The following MIDEAS variants were observed in gnomAD, a reference collection of about 807,000 sequenced individuals.
The protein encoded by MIDEAS is mitotic deacetylase associated SANT domain protein.
Under a neutral mutation model 102.7 loss-of-function variants are expected in MIDEAS, and 26 were observed. That is an observed-to-expected ratio of 0.25 (90% CI 0.19 to 0.35). The LOEUF (loss-of-function observed/expected upper bound fraction) is 0.35. Among genes scored for constraint, MIDEAS ranks in the 10% least tolerant of loss-of-function variants. MIDEAS has a pLI of 1.00. For missense variants in MIDEAS, 1,231 were observed against 1,435.6 expected (o/e 0.86, Z 2.30); for synonymous variants, 585 against 591.0 (o/e 0.99, Z 0.15).
At chr14:73,768,668 T>C (rs111999754) in intron 1 of MIDEAS, among the ~76,000 whole-genome samples, 9 of 152,214 alleles carry the variant, frequency 5.9e-5, no homozygotes, top group Middle Eastern at 6.8e-3. Context: ...ATATTTTTAG[T>C]AGAGATGGGG....
intron 4 of MIDEAS, 161 bp from the exon 5 acceptor site, chr14:73,727,685 C>T (rs547501833): frequency 6.8e-5 from 43 of 635,824 alleles, no homozygotes; most frequent in Admixed American, 6.9e-5. Flanking sequence ...CTGTCACCTA[C>T]GAAAACGCAG....
chr14:73,755,650 C>A (rs1055264002), intron 1 of MIDEAS, among the ~76,000 whole-genome samples: 1 of 152,234 alleles, frequency 6.6e-6, no homozygotes, highest in African/African-American at 2.4e-5. Context: ...CCTCAACCCT[C>A]GGCTGCAGGG....
chr14:73,779,593 C>T (rs2053730620), intron 1 of MIDEAS, among the ~76,000 whole-genome samples: 1 of 114,764 alleles, frequency 8.7e-6, no homozygotes, highest in African/African-American at 3.5e-5. Flanking sequence ...TTTTTTGAGA[C>T]GGAGTCTCGC....
At chr14:73,734,854 G>A (rs547630455) in intron 3 of MIDEAS, among the ~76,000 whole-genome samples, 1 of 152,142 alleles carries the variant, frequency 6.6e-6, no homozygotes, top group African/African-American at 2.4e-5. Context: ...GAAGAATGCT[G>A]GGGTAATCAT....
intron 1 of MIDEAS, among the ~76,000 whole-genome samples, chr14:73,753,030 C>T (rs750349435): frequency 3.3e-4 from 50 of 152,222 alleles, no homozygotes; most frequent in Non-Finnish European, 6.5e-4. Context: ...GTTCTCAGTA[C>T]CTCAGAGGCT....
rs1595254122 is a variant in MIDEAS, at chr14:73,725,166, T to C, written c.2574+106A>G. 2 of 824,030 alleles carry C rather than the reference T, an allele frequency of 2.4e-6. No individual in the cohort carries two copies. The highest frequency in any genetic ancestry group is 4.9e-5 in the East Asian group (2 of 40,922). The allele number at this position is 824,030 out of a possible 1,614,324, so 51.0% of individuals were successfully genotyped here. A position where few individuals can be genotyped will look rare whatever the true frequency, so the allele number is the denominator to read the frequency against. On this transcript the variant is annotated intron_variant, in intron 9 of 12. Transcript: ENST00000423556. The surrounding 1 kb of genome is among the most constrained non-coding windows in gnomAD (Gnocchi z 4.1). ...TTCTCTCTGAGGCTACTCAGTAGCA[T>C]TGACCTGACTGCTTTTTAAGAGGGA...
intron 9 of MIDEAS, chr14:73,723,552 CAT>C (rs2053023752): frequency 6.6e-6 from 1 of 152,194 alleles, no homozygotes; most frequent in Admixed American, 6.5e-5. Flanking sequence ...AGGTTTTAGT[CAT>C]GTGACAGGAT....
chr14:73,719,253 T>G, intron 12 of MIDEAS, 52 bp downstream of exon 12: 1 of 463,758 alleles, frequency 2.2e-6, no homozygotes. Flanking sequence ...CCCCGCCCCC[T>G]CCGCGCACCA....
Position 73,718,883 on chromosome 14 carries a change from T to G in MIDEAS, c.3260A>C (p.Gln1087Pro). ...AAAAAAAAHQ[Q>P]ALREESGAGD... ...CGCACCGCTCTCCTCCCGCAGGGCC[T>G]GCTGGTGGGCGGCGGCGGCGGCAGC... is the stretch of plus-strand genomic sequence containing the variant. Residue 1087 changes from glutamine (Q) to proline (P), a missense_variant, in exon 13 of 13, where the codon CAG becomes CCG. Gln to Pro is a moderately conservative substitution (Grantham distance 76, BLOSUM62 -1). Around this residue, in one of 5 missense-constraint regions of MIDEAS, gnomAD observed 71 missense variants for 51.9 expected, o/e 1.37. Transcript: ENST00000423556. 6.6e-7 allele frequency: 1 copy of G among 1,516,980 alleles called. No homozygotes were observed. Among genetic ancestry groups the G allele is most frequent in the Non-Finnish European group, 8.8e-7 (1 of 1,138,824 alleles). The allele number at this position is 1,516,980 out of a possible 1,614,324, so 94.0% of individuals were successfully genotyped here. A position where few individuals can be genotyped will look rare whatever the true frequency, so the allele number is the denominator to read the frequency against.
In MIDEAS at chr14:73,729,682, G is replaced by T. The variant is rs2053111798; in HGVS notation, c.2053C>A (p.Pro685Thr). 2 of 1,613,754 alleles carry T rather than the reference G, an allele frequency of 1.2e-6. No individual in the cohort carries two copies. The highest frequency in any genetic ancestry group is 1.1e-5 in the South Asian group (1 of 91,070). The part of the protein sequence containing the change: ...ISTSTIPAPP[P>T]ITPKSAHRTL... The stretch of plus-strand genomic sequence containing the variant: ...CGATGGGCACTCTTAGGCGTGATGG[G>T]AGGAGGGGCAGGGATGGTGCTGGTT... Residue 685 changes from proline (P) to threonine (T), a missense_variant, in exon 4 of 13, where the codon CCC becomes ACC. Physicochemically the swap from Pro to Thr is conservative, Grantham distance 38. Coordinates refer to ENST00000423556, the MANE Select transcript of MIDEAS (RefSeq NM_001367710.1).
Position 73,739,560 on chromosome 14 carries a change from T to A in MIDEAS, c.449A>T (p.His150Leu). ...SLYSATKGSP[H>L]PGVGVPTYYN... ...GTAAGTCGGGACTCCCACTCCAGGA[T>A]GCGGGCTCCCCTTGGTTGCACTGTA... The change falls in exon 2 of 13, where the codon CAT (histidine) becomes CTT (leucine). Residue 150 changes from histidine (H) to leucine (L), a missense_variant. Around this residue, in one of 5 missense-constraint regions of MIDEAS, gnomAD observed 758 missense variants for 856.0 expected, o/e 0.89. Transcript: ENST00000423556. The A allele has an allele frequency of 6.2e-7, 1 of 1,614,112 alleles. No individual in the cohort carries two copies. Among genetic ancestry groups the A allele is most frequent in the Non-Finnish European group, 8.5e-7 (1 of 1,179,984 alleles).
chr14:73,753,899 C>T (rs539660961), intron 1 of MIDEAS, among the ~76,000 whole-genome samples: 9 of 152,032 alleles, frequency 5.9e-5, no homozygotes, highest in African/African-American at 1.4e-4. Context: ...CAGATAATAC[C>T]GGCAGAGCTT....
rs555520773 is a variant in MIDEAS at position 73,740,161 on chromosome 14, G to C, written c.-153C>G. The stretch of plus-strand genomic sequence containing the variant: ...CGCTGGACAGTGAGGTCGGACACTG[G>C]GAGAAAGAACTGCTGGCTCTTCCTT... On this transcript the variant is annotated 5_prime_UTR_variant, in exon 2 of 13. Transcript: ENST00000423556. 3.2e-6 allele frequency: 3 copies of C among 935,190 alleles called. No homozygotes were observed. The South Asian group carries it at 1.2e-4, about 39-fold the overall frequency. The allele number at this position is 935,190 out of a possible 1,614,324, so 57.9% of individuals were successfully genotyped here. A position where few individuals can be genotyped will look rare whatever the true frequency, so the allele number is the denominator to read the frequency against.
Position 73,780,144 on chromosome 14 carries a change from G to A in MIDEAS, c.-248+6958C>T, listed in dbSNP as rs557287513. ...CAGCCTCGGCCTCCCAAAGTGCTGC[G>A]ATTACAGGCGTGAGCCACCGCGCCC... is the stretch of plus-strand genomic sequence containing the variant. On this transcript the variant is annotated intron_variant, in intron 1 of 11. Transcript: ENST00000394071. 4.7e-5 allele frequency among the ~76,000 whole-genome samples: 7 copies of A among 149,014 alleles called. No homozygotes were observed. In the East Asian group the frequency reaches 6.3e-4, roughly 13 times the overall value.
intron 3 of MIDEAS, among the ~76,000 whole-genome samples, chr14:73,735,109 C>T (rs1008676793): frequency 6.6e-6 from 1 of 151,828 alleles, no homozygotes; most frequent in Admixed American, 6.6e-5. Context: ...GGGGATGGGG[C>T]GGGGACTGGG....
intron 1 of MIDEAS, among the ~76,000 whole-genome samples, chr14:73,771,760 G>A (rs766056208): frequency 6.6e-6 from 1 of 152,220 alleles, no homozygotes. Context: ...GATGTGGCTA[G>A]CATTAAAGAG....
chr14:73,778,472 G>C (rs2053712613), intron 1 of MIDEAS, among the ~76,000 whole-genome samples: 1 of 151,950 alleles, frequency 6.6e-6, no homozygotes, highest in African/African-American at 2.4e-5. Flanking sequence ...TGTCAGCACA[G>C]CCTCCTTGGA....
chr14:73,762,781 T>C (rs1595291122), upstream of MIDEAS, among the ~76,000 whole-genome samples: 2 of 152,076 alleles, frequency 1.3e-5, no homozygotes, highest in Admixed American at 6.5e-5. Context: ...ATCCACAGAG[T>C]TGGATTTTCT....
At chr14:73,774,453 C>T (rs974808550) in intron 1 of MIDEAS, among the ~76,000 whole-genome samples, 1 of 151,864 alleles carries the variant, frequency 6.6e-6, no homozygotes, top group African/African-American at 2.4e-5. Flanking sequence ...CTTGCTTTCC[C>T]CAGCTCTGTC....
Sources: allele counts gnomAD v4.1 joint callset (sites outside exome capture counted in the v4.1 genomes callset), GRCh38; gene constraint gnomAD v4.1.1; regional missense constraint gnomAD v4.1.1; non-coding constraint Gnocchi (gnomAD v3.1); transcripts MANE v1.5; gene names NCBI Gene and HGNC (gene_info 2026-07-23, HGNC 2026-07-21).